ADAMTS6: variants seen among roughly 807,000 people sequenced by gnomAD.
ADAMTS6 encodes A disintegrin and metalloproteinase with thrombospondin motifs 6.
A neutral mutation model predicts 144.3 loss-of-function variants in ADAMTS6; 23 were observed. The ratio of observed to expected loss-of-function variants is 0.16; its 90% CI spans 0.11 to 0.23. The LOEUF (loss-of-function observed/expected upper bound fraction) is 0.23. Ranked by LOEUF, ADAMTS6 falls within the 10% of genes least tolerant of loss-of-function variation. The pLI is 1.00. For synonymous variants in ADAMTS6, 444 were observed against 457.5 expected (o/e 0.97, Z 0.38); for missense variants, 999 against 1,379.6 (o/e 0.72, Z 4.37).
chr5:65,185,942 A>G (rs1314624121), intron 22 of ADAMTS6, among the ~76,000 whole-genome samples: 1 of 152,180 alleles, frequency 6.6e-6, no homozygotes, highest in Non-Finnish European at 1.5e-5. Context: ...AAGTTTTGAT[A>G]TTTTAGTGGT....
At chr5:65,439,140 A>AT (rs11464016) in intron 7 of ADAMTS6, among the ~76,000 whole-genome samples, 63,638 of 151,658 alleles carry the variant, frequency 0.42, 13,729 homozygotes, top group African/African-American at 0.46. Context: ...CCAAATCTGT[A>AT]TTTTTTTAGA....
Position 65,188,115 on chromosome 5 carries a change from C to G in ADAMTS6, c.2811G>C (p.Thr937=). The G allele has an allele frequency of 1.2e-6, 2 of 1,614,172 alleles. No homozygotes were observed. The highest frequency in any genetic ancestry group is 1.7e-6 in the Non-Finnish European group (2 of 1,180,002). Residue 937 remains threonine, a synonymous_variant, in exon 22 of 25, where the codon ACG becomes ACC. Coordinates refer to ENST00000381055, the MANE Select transcript of ADAMTS6 (RefSeq NM_197941.4). The part of the protein sequence containing the change: ...IRKIGPSEEE[T]LDYSGCLTHR... ...GTGTTAAACAACCACTGTAGTCCAG[C>G]GTCTCCTCCTCAGAAGGTCCGATCT...
Position 65,417,132 on chromosome 5 carries a change from T to G in ADAMTS6, c.1073+34343A>C, listed in dbSNP as rs1580658770. Among the ~76,000 whole-genome samples, 6 of 152,170 alleles carry G rather than the reference T, an allele frequency of 3.9e-5. No individual in the cohort carries two copies. In the East Asian group the frequency reaches 1.2e-3, roughly 29 times the overall value. ...AACAGAATTAAAAACAAAAACCATA[T>G]GATTATCTCAATAGACACAGAAAAA... On this transcript the variant is annotated intron_variant, in intron 7 of 24. Transcript: ENST00000381055.
At chr5:65,274,269 G>T (rs190079431) in intron 11 of ADAMTS6, among the ~76,000 whole-genome samples, 3 of 151,680 alleles carry the variant, frequency 2.0e-5, no homozygotes, top group Non-Finnish European at 4.4e-5. Context: ...GGTTTCAACC[G>T]CCCCCAAAAA....
intron 7 of ADAMTS6, among the ~76,000 whole-genome samples, chr5:65,395,332 T>A (rs1753250762): frequency 6.6e-6 from 1 of 152,234 alleles, no homozygotes; most frequent in African/African-American, 2.4e-5. Context: ...TGTAATTTTT[T>A]AAATGTTAAA....
intron 7 of ADAMTS6, among the ~76,000 whole-genome samples, chr5:65,386,024 C>T (rs1580563987): frequency 6.6e-6 from 1 of 152,132 alleles, no homozygotes; most frequent in Non-Finnish European, 1.5e-5. Flanking sequence ...ATCAGAATCC[C>T]TCCAGCCTAT....
chr5:65,358,733 C>A (rs1749568272), intron 7 of ADAMTS6, among the ~76,000 whole-genome samples: 1 of 151,896 alleles, frequency 6.6e-6, no homozygotes, highest in South Asian at 2.1e-4. Flanking sequence ...TGCTTTTGCA[C>A]TAAATTGATC....
chr5:65,334,225 C>A, intron 7 of ADAMTS6, 140 bp from the exon 8 acceptor site: 1 of 905,232 alleles, frequency 1.1e-6, no homozygotes, highest in Non-Finnish European at 1.6e-6. Flanking sequence ...TCGGCATTTT[C>A]AGCACTCTAC....
chr5:65,193,725 T>C, intron 21 of ADAMTS6, among the ~76,000 whole-genome samples: 1 of 152,170 alleles, frequency 6.6e-6, no homozygotes, highest in East Asian at 1.9e-4. Context: ...ATTATTTTCT[T>C]CTTTATTTAG....
intron 9 of ADAMTS6, among the ~76,000 whole-genome samples, chr5:65,322,676 G>A (rs1745744019): frequency 6.7e-6 from 1 of 149,114 alleles, no homozygotes; most frequent in Admixed American, 6.8e-5. Context: ...TTTGGCTCTT[G>A]GCTTAACTAT....
At chr5:65,455,036 C>T (rs1202376176) in intron 4 of ADAMTS6, among the ~76,000 whole-genome samples, 3 of 152,196 alleles carry the variant, frequency 2.0e-5, no homozygotes. Context: ...CTGCTCAATC[C>T]TCTGTGATCA....
At chr5:65,187,779 A>G (rs371787694) in intron 22 of ADAMTS6, among the ~76,000 whole-genome samples, 1 of 152,256 alleles carries the variant, frequency 6.6e-6, no homozygotes, top group African/African-American at 2.4e-5. Context: ...TGTTATTTCA[A>G]ATTTACTTTA....
intron 7 of ADAMTS6, among the ~76,000 whole-genome samples, chr5:65,420,413 C>T (rs1419071851): frequency 6.6e-6 from 1 of 152,036 alleles, no homozygotes; most frequent in African/African-American, 2.4e-5. Flanking sequence ...CGGAGTTTCA[C>T]TCTTGTTGTC....
At position 65,150,901 on chromosome 5, in the gene ADAMTS6, T is replaced by G. The variant is rs1336994362; in HGVS notation, c.*935A>C. 1 of 152,660 alleles carries G rather than the reference T, an allele frequency of 6.6e-6. No homozygotes were observed. The highest frequency in any genetic ancestry group is 2.4e-5 in the African/African-American group (1 of 41,446). The allele number at this position is 152,660 out of a possible 1,614,324, so 9.5% of individuals were successfully genotyped here. A position where few individuals can be genotyped will look rare whatever the true frequency, so the allele number is the denominator to read the frequency against. On this transcript the variant is annotated 3_prime_UTR_variant, in exon 25 of 25. Coordinates refer to ENST00000381055, the MANE Select transcript of ADAMTS6 (RefSeq NM_197941.4). ...CAAAGGGCAGAAGCCGTGCTGTGGC[T>G]GGGGAGGATGTAAACACAAGTGAGT...
At chr5:65,309,591 TACACACAC>T (rs149843490) in intron 9 of ADAMTS6, among the ~76,000 whole-genome samples, 1 of 147,204 alleles carries the variant, frequency 6.8e-6, no homozygotes, top group Non-Finnish European at 1.5e-5. Context: ...CCTGTTATAA[TACACACAC>T]ACACACACAC....
intron 7 of ADAMTS6, among the ~76,000 whole-genome samples, chr5:65,351,105 C>G (rs546245359): frequency 3.9e-4 from 59 of 152,308 alleles, no homozygotes; most frequent in African/African-American, 1.3e-3. Context: ...ACACTAATCT[C>G]TTTTATGATA....
At chr5:65,453,286 C>G (rs1486172450) in intron 4 of ADAMTS6, among the ~76,000 whole-genome samples, 4 of 152,102 alleles carry the variant, frequency 2.6e-5, no homozygotes, top group Non-Finnish European at 4.4e-5. Context: ...AGAGTATGAA[C>G]TTTTCAATCA....
intron 8 of ADAMTS6, 44 bp downstream of exon 8, chr5:65,333,997 TA>T (rs750637450): frequency 0.14 from 111,753 of 827,014 alleles, 95 homozygotes; most frequent in Non-Finnish European, 0.14. Context: ...CTACCTTTAT[TA>T]AAAAAAAAAA....
chr5:65,172,795 G>A (rs776317669), intron 23 of ADAMTS6, 37 bp downstream of exon 23: 1 of 1,597,038 alleles, frequency 6.3e-7, no homozygotes, highest in South Asian at 1.1e-5. Context: ...GTCTCAAGGT[G>A]CTATTTCAGC....
Sources: allele counts gnomAD v4.1 joint callset (sites outside exome capture counted in the v4.1 genomes callset), GRCh38; gene constraint gnomAD v4.1.1; transcripts MANE v1.5; gene names NCBI Gene and HGNC (gene_info 2026-07-23, HGNC 2026-07-21).